The following BAIAP2L1 variants were observed in gnomAD, a reference collection of about 807,000 sequenced individuals.
BAIAP2L1 encodes the protein BAR/IMD domain containing adaptor protein 2 like 1.
Under a neutral mutation model 66.3 loss-of-function variants are expected in BAIAP2L1, and 35 were observed. That is an observed-to-expected ratio of 0.53 (90% CI 0.40 to 0.70). The LOEUF (loss-of-function observed/expected upper bound fraction) is 0.70. Ranked by LOEUF, BAIAP2L1 falls within the 30% of genes least tolerant of loss-of-function variation. The probability of loss-of-function intolerance (pLI) is 0.00; values close to 1 mark genes in which losing one functional copy is unlikely to be tolerated. For synonymous variants in BAIAP2L1, 269 were observed against 248.7 expected, an observed-to-expected ratio of 1.08 and a Z score of -0.77; for missense variants, 622 against 656.9, an observed-to-expected ratio of 0.95 and a Z score of 0.58.
At chr7:98,348,087 G>T (rs1163450220) in intron 3 of BAIAP2L1, among the ~76,000 whole-genome samples, 1 of 151,926 alleles carries the variant, frequency 6.6e-6, no homozygotes, top group Non-Finnish European at 1.5e-5. Context: ...GTATATCTAT[G>T]TAACAAACCT....
At chr7:98,358,163 T>G (rs951412641) in intron 2 of BAIAP2L1, among the ~76,000 whole-genome samples, 3 of 152,214 alleles carry the variant, frequency 2.0e-5, no homozygotes, top group Non-Finnish European at 4.4e-5. Context: ...AATTGTTGAC[T>G]TACATTGAAA....
At chr7:98,367,852 G>A (rs62478201) in intron 1 of BAIAP2L1, among the ~76,000 whole-genome samples, 1 of 151,530 alleles carries the variant, frequency 6.6e-6, no homozygotes, top group Non-Finnish European at 1.5e-5. Flanking sequence ...TTGAACTCCC[G>A]ACCTCAGATG....
At chr7:98,295,090 G>C (rs577058207) in intron 12 of BAIAP2L1, among the ~76,000 whole-genome samples, 1 of 152,338 alleles carries the variant, frequency 6.6e-6, no homozygotes, top group South Asian at 2.1e-4. Context: ...CCCCCAGGGG[G>C]TCTCAGGGAG....
At chr7:98,342,152 A>G (rs959502219) in intron 3 of BAIAP2L1, among the ~76,000 whole-genome samples, 1 of 150,378 alleles carries the variant, frequency 6.6e-6, no homozygotes, top group Admixed American at 6.7e-5. Flanking sequence ...CCCAGGTTCA[A>G]ATGATTCTCA....
chr7:98,365,020 G>T (rs79000137), intron 1 of BAIAP2L1, among the ~76,000 whole-genome samples: 66 of 50,476 alleles, frequency 1.3e-3, no homozygotes, highest in Non-Finnish European at 2.6e-3. Flanking sequence ...AAAAAAAAAA[G>T]AGCTATTACT....
intron 1 of BAIAP2L1, among the ~76,000 whole-genome samples, chr7:98,397,428 G>A (rs929111440): frequency 6.8e-6 from 1 of 147,052 alleles, no homozygotes; most frequent in Non-Finnish European, 1.5e-5. Flanking sequence ...TGGTTCAAGC[G>A]ATTATCCTGC....
At chr7:98,383,662 G>T (rs1802816691) in intron 1 of BAIAP2L1, among the ~76,000 whole-genome samples, 1 of 152,134 alleles carries the variant, frequency 6.6e-6, no homozygotes, top group Non-Finnish European at 1.5e-5. Flanking sequence ...TCCTCTTTGT[G>T]TAAGTTTGTG....
intron 1 of BAIAP2L1, among the ~76,000 whole-genome samples, chr7:98,383,283 C>CTT (rs112746004): frequency 2.9e-5 from 4 of 137,856 alleles, no homozygotes; most frequent in Admixed American, 7.4e-5. Flanking sequence ...AACTTTCAAT[C>CTT]TTTTTTTTTT....
Position 98,315,455 on chromosome 7 carries a change from C to A in BAIAP2L1, c.639+5G>T. ...ACGCTCAAGGCAATTTGCCACCACA[C>A]CCACCTGTAAGTGATAATAATGTAT... On this transcript the variant is annotated splice_donor_5th_base_variant and intron_variant, in intron 7 of 13. Coordinates refer to ENST00000005260, the MANE Select transcript of BAIAP2L1 (RefSeq NM_018842.5). The A allele has an allele frequency of 7.0e-7, 1 of 1,421,450 alleles. No individual in the cohort carries two copies. The allele number at this position is 1,421,450 out of a possible 1,614,324, so 88.1% of individuals were successfully genotyped here.
intron 1 of BAIAP2L1, among the ~76,000 whole-genome samples, chr7:98,398,950 C>G (rs1160545223): frequency 4.6e-5 from 7 of 152,148 alleles, no homozygotes; most frequent in Non-Finnish European, 7.3e-5. Context: ...GACTCTGCCT[C>G]AAATTTGCAA....
chr7:98,356,448 G>A (rs1426352674), intron 2 of BAIAP2L1, among the ~76,000 whole-genome samples: 2 of 152,116 alleles, frequency 1.3e-5, no homozygotes, highest in African/African-American at 4.8e-5. Context: ...TATACCAGCT[G>A]CAATGCCGCA....
intron 3 of BAIAP2L1, among the ~76,000 whole-genome samples, chr7:98,349,113 A>T (rs1292328378): frequency 6.6e-6 from 1 of 152,192 alleles, no homozygotes; most frequent in African/African-American, 2.4e-5. Flanking sequence ...CTTGCTGGGG[A>T]CATGTGACCC....
At chr7:98,370,963 G>A (rs1584492342) in intron 1 of BAIAP2L1, among the ~76,000 whole-genome samples, 1 of 152,192 alleles carries the variant, frequency 6.6e-6, no homozygotes, top group Admixed American at 6.6e-5. Context: ...GGACACACTT[G>A]TGAATAGAAA....
chr7:98,329,880 T>C (rs1355919751), intron 3 of BAIAP2L1, among the ~76,000 whole-genome samples: 1 of 152,070 alleles, frequency 6.6e-6, no homozygotes, highest in Non-Finnish European at 1.5e-5. Context: ...ATAATATCTG[T>C]GGATTACAGC....
In BAIAP2L1 at chr7:98,307,857, A is replaced by G. The variant is rs548162860; in HGVS notation, c.995T>C (p.Val332Ala). 1.9e-6 allele frequency: 3 copies of G among 1,614,202 alleles called. No homozygotes were observed. Among genetic ancestry groups the G allele is most frequent in the South Asian group, 2.2e-5 (2 of 91,086 alleles). Residue 332 changes from valine to alanine, a missense_variant, in exon 10 of 14, where the codon GTT becomes GCT. Val to Ala is a moderately conservative substitution (Grantham distance 64). Coordinates refer to ENST00000005260, the MANE Select transcript of BAIAP2L1 (RefSeq NM_018842.5). ...EDPSLQRSVS[V>A]ATGLNMMKKQ... ...CTTCATCATGTTCAGTCCCGTTGCA[A>G]CCGAAACTGATCGCTGTAAACTGGG...
intron 12 of BAIAP2L1, among the ~76,000 whole-genome samples, chr7:98,296,049 G>A (rs1260682579): frequency 6.6e-6 from 1 of 152,086 alleles, no homozygotes; most frequent in Non-Finnish European, 1.5e-5. Flanking sequence ...GCCCAGACCA[G>A]AAACACCAGA....
intron 3 of BAIAP2L1, among the ~76,000 whole-genome samples, chr7:98,331,981 C>T (rs1178284551): frequency 1.3e-5 from 2 of 152,062 alleles, no homozygotes; most frequent in African/African-American, 2.4e-5. Flanking sequence ...CTCAGACAAA[C>T]AAAAACTGAG....
intron 12 of BAIAP2L1, among the ~76,000 whole-genome samples, chr7:98,298,334 T>C (rs751124354): frequency 1.3e-5 from 2 of 149,172 alleles, no homozygotes; most frequent in African/African-American, 2.5e-5. Context: ...CATTAGGGGC[T>C]GGGTGCGGTG....
intron 8 of BAIAP2L1, among the ~76,000 whole-genome samples, chr7:98,311,174 A>T (rs1477952085): frequency 6.6e-6 from 1 of 152,174 alleles, no homozygotes; most frequent in Non-Finnish European, 1.5e-5. Flanking sequence ...ATGCCATCAG[A>T]GTGTGTCTAA....
Sources: allele counts gnomAD v4.1 joint callset (sites outside exome capture counted in the v4.1 genomes callset), GRCh38; gene constraint gnomAD v4.1.1; transcripts MANE v1.5; gene names NCBI Gene and HGNC (gene_info 2026-07-23, HGNC 2026-07-21).